AHR: variants seen among roughly 807,000 people sequenced by gnomAD.
AHR encodes the protein AH-receptor.
A neutral mutation model predicts 86.8 loss-of-function variants in AHR; 40 were observed. That is an observed-to-expected ratio of 0.46 (90% CI 0.36 to 0.60). The LOEUF (loss-of-function observed/expected upper bound fraction) is 0.60. Ranked by LOEUF, AHR falls within the 20% of genes least tolerant of loss-of-function variation. AHR has a pLI of 0.00. For synonymous variants in AHR, 398 were observed against 354.9 expected, an observed-to-expected ratio of 1.12 and a Z score of -1.37; for missense variants, 1,001 against 1,011.6, an observed-to-expected ratio of 0.99 and a Z score of 0.14.
At chr7:17,332,035 A>G (rs1383224068) in intron 6 of AHR, among the ~76,000 whole-genome samples, 2 of 151,930 alleles carry the variant, frequency 1.3e-5, no homozygotes, top group African/African-American at 4.8e-5. Flanking sequence ...CTGCATAATG[A>G]TGCTTTGGTC....
At position 17,339,891 on chromosome 7, in the gene AHR, C is replaced by T. The variant is rs1782400291; in HGVS notation, c.2066C>T (p.Ser689Phe). 1.2e-6 allele frequency: 2 copies of T among 1,614,212 alleles called. No homozygotes were observed. The highest frequency in any genetic ancestry group is 2.2e-5 in the South Asian group (2 of 91,082). Residue 689 changes from serine to phenylalanine, a missense_variant, in exon 10 of 11, where the codon TCT becomes TTT. By Grantham distance (155) the Ser-to-Phe change is radical. Around this residue, in one of 2 missense-constraint regions of AHR, gnomAD observed 607 missense variants for 543.1 expected, o/e 1.12. Coordinates refer to ENST00000242057, the MANE Select transcript of AHR (RefSeq NM_001621.5). ...HGISQEFPYKSEMDSMPYTQN... is the reference protein window; with the variant it reads ...HGISQEFPYKFEMDSMPYTQN... ...ATCAGTCAAGAGTTCCCCTACAAAT[C>T]TGAAATGGATTCTATGCCTTATACA... is the stretch of plus-strand genomic sequence containing the variant.
chr7:17,325,527 T>G (rs1187305671), intron 3 of AHR, among the ~76,000 whole-genome samples: 1 of 152,232 alleles, frequency 6.6e-6, no homozygotes, highest in Non-Finnish European at 1.5e-5. Context: ...AATGTGTTAG[T>G]CATTAACTAT....
At chr7:17,325,863 G>A (rs1406111140) in intron 3 of AHR, among the ~76,000 whole-genome samples, 2 of 152,070 alleles carry the variant, frequency 1.3e-5, no homozygotes, top group African/African-American at 4.8e-5. Context: ...TTAATACCTG[G>A]GTGATGAAAT....
intron 1 of AHR, among the ~76,000 whole-genome samples, chr7:17,304,349 A>G (rs1781984760): frequency 6.6e-6 from 1 of 152,026 alleles, no homozygotes; most frequent in African/African-American, 2.4e-5. Context: ...TTGACTGTAT[A>G]TTGTTTACTG....
In AHR at chr7:17,322,535, A is replaced by T. The variant is rs754076368; in HGVS notation, c.288A>T (p.Gly96=). 1 of 1,612,788 alleles carries T rather than the reference A, an allele frequency of 6.2e-7. No homozygotes were observed. The highest frequency in any genetic ancestry group is 1.1e-5 in the South Asian group (1 of 90,922). ...ALKSSPTERN[G]GQDNCRAANF... The stretch of plus-strand genomic sequence containing the variant: ...AATCCTCCCCTACTGAAAGAAACGG[A>T]GGCCAGGATAACTGTAGAGCAGCAA... The change falls in exon 3 of 11, where the codon GGA becomes GGT. Residue 96 remains glycine, a synonymous_variant. Coordinates refer to ENST00000242057, the MANE Select transcript of AHR (RefSeq NM_001621.5).
In AHR at chr7:17,309,925, T is replaced by G. The variant is rs1216930961; in HGVS notation, c.66-11T>G. On this transcript the variant is annotated splice_polypyrimidine_tract_variant and intron_variant, in intron 1 of 10. Coordinates refer to ENST00000242057, the MANE Select transcript of AHR (RefSeq NM_001621.5). ...TAAAGGATTTTTTATGGTATTTTGTTTGTTTTTCAGAGTAAAGCCAATCCC... is the reference window on the plus strand; with the variant it reads ...TAAAGGATTTTTTATGGTATTTTGTGTGTTTTTCAGAGTAAAGCCAATCCC... 5.9e-6 allele frequency: 9 copies of G among 1,525,430 alleles called. No homozygotes were observed. The highest frequency in any genetic ancestry group is 8.0e-6 in the Non-Finnish European group (9 of 1,124,022). 94.5% of individuals were successfully genotyped at this position (1,525,430 alleles called of 1,614,324 possible).
Position 17,330,807 on chromosome 7 carries a change from C to T in AHR, c.626C>T (p.Pro209Leu). ...TVVCYNPDQI[P>L]PENSPLMERC... The stretch of plus-strand genomic sequence containing the variant: ...GTCTGTTATAACCCAGACCAGATTC[C>T]TCCAGAAAACTCTCCTTTAATGGAG... The change falls in exon 6 of 11, where the codon CCT becomes CTT. Residue 209 changes from proline (P) to leucine (L), a missense_variant. Transcript: ENST00000242057. 1 of 1,612,424 alleles carries T rather than the reference C, an allele frequency of 6.2e-7. No individual in the cohort carries two copies. Among genetic ancestry groups the T allele is most frequent in the East Asian group, 2.2e-5 (1 of 44,840 alleles).
At chr7:17,310,536 CT>C (rs1231748729) in intron 2 of AHR, among the ~76,000 whole-genome samples, 260 of 141,036 alleles carry the variant, frequency 1.8e-3, no homozygotes, top group Admixed American at 2.0e-3. Context: ...TATTTCTAAT[CT>C]TTTTTTTTTT....
intron 10 of AHR, among the ~76,000 whole-genome samples, chr7:17,341,639 C>T (rs992537719): frequency 1.3e-5 from 2 of 152,010 alleles, no homozygotes; most frequent in African/African-American, 4.8e-5. Flanking sequence ...GTGTGAAGTA[C>T]ACATTGGATT....
Position 17,343,077 on chromosome 7 carries a change from T to C in AHR, c.*13T>C. ...TGGATTCCTGTAATTCCAAGCCCAA[T>C]TTTGACCCTGGTTTTTGGATTAAAT... On this transcript the variant is annotated 3_prime_UTR_variant, in exon 11 of 11. Coordinates refer to ENST00000242057, the MANE Select transcript of AHR (RefSeq NM_001621.5). 1 of 1,613,226 alleles carries C rather than the reference T, an allele frequency of 6.2e-7. No homozygotes were observed. Among genetic ancestry groups the C allele is most frequent in the Non-Finnish European group, 8.5e-7 (1 of 1,179,578 alleles).
intron 10 of AHR, among the ~76,000 whole-genome samples, chr7:17,340,982 A>G (rs1401216704): frequency 6.6e-6 from 1 of 152,198 alleles, no homozygotes; most frequent in African/African-American, 2.4e-5. Flanking sequence ...TCACTTAAAA[A>G]AAAAAAGTTA....
chr7:17,332,678 A>G (rs934606870), intron 6 of AHR, among the ~76,000 whole-genome samples: 6 of 152,084 alleles, frequency 3.9e-5, no homozygotes, highest in African/African-American at 1.4e-4. Context: ...AGAAGAGTCA[A>G]AAGTTAAAAA....
chr7:17,310,241 T>A, intron 2 of AHR, 118 bp downstream of exon 2: 1 of 997,038 alleles, frequency 1.0e-6, no homozygotes, highest in Non-Finnish European at 1.4e-6. Flanking sequence ...TTTATTGCTG[T>A]ATAGTAAAAT....
chr7:17,333,813 T>C (rs1782326432), intron 6 of AHR, 99 bp from the exon 7 acceptor site: 5 of 879,756 alleles, frequency 5.7e-6, no homozygotes, highest in Admixed American at 5.2e-5. Flanking sequence ...TATGGAATTA[T>C]CAAGAACCCT....
Position 17,299,045 on chromosome 7 carries a change from G to A in AHR, c.-220G>A, listed in dbSNP as rs1001253786. The stretch of plus-strand genomic sequence containing the variant: ...CCCTCGCCCACCCTCACTGCGCCAG[G>A]CCCAGGCAGCTCACCTGTACTGGCG... On this transcript the variant is annotated 5_prime_UTR_variant, in exon 1 of 11. Coordinates refer to ENST00000242057, the MANE Select transcript of AHR (RefSeq NM_001621.5). 1.0e-5 allele frequency: 5 copies of A among 500,384 alleles called. No individual in the cohort carries two copies. In the South Asian group the frequency reaches 1.1e-4, roughly 11 times the overall value. The allele number at this position is 500,384 out of a possible 1,614,324, so 31.0% of individuals were successfully genotyped here. A position where few individuals can be genotyped will look rare whatever the true frequency, so the allele number is the denominator to read the frequency against.
At chr7:17,333,276 C>G (rs1261420886) in intron 6 of AHR, among the ~76,000 whole-genome samples, 2 of 151,784 alleles carry the variant, frequency 1.3e-5, no homozygotes, top group East Asian at 3.9e-4. Context: ...CCTTGTGCTG[C>G]TATTATTTTG....
intron 5 of AHR, 80 bp from the exon 6 acceptor site, chr7:17,330,676 T>G: frequency 7.6e-7 from 1 of 1,311,748 alleles, no homozygotes; most frequent in Non-Finnish European, 1.0e-6. Flanking sequence ...GTTTAGAAAC[T>G]AATACAAATT....
chr7:17,335,653 A>G lies in AHR; in HGVS notation c.1027A>G (p.Thr343Ala). 6.4e-7 allele frequency: 1 copy of G among 1,564,978 alleles called. No homozygotes were observed. Among genetic ancestry groups the G allele is most frequent in the Non-Finnish European group, 8.7e-7 (1 of 1,153,256 alleles). The part of the protein sequence containing the change: ...CAESHIRMIK[T>A]GESGMIVFRL... ...TTTTAATTTTATTTTAGTGATTAAG[A>G]CTGGAGAAAGTGGCATGATAGTTTT... Residue 343 changes from threonine (T) to alanine (A), a missense_variant, in exon 9 of 11, where the codon ACT becomes GCT. Physicochemically the swap from Thr to Ala is moderately conservative, Grantham distance 58. This residue lies in a region of AHR where 394 missense variants were observed against 468.5 expected (regional missense o/e 0.84). Transcript: ENST00000242057.
intron 8 of AHR, 96 bp downstream of exon 8, chr7:17,335,092 G>A: frequency 1.2e-6 from 1 of 806,254 alleles, no homozygotes; most frequent in South Asian, 1.8e-5. Context: ...TTTAAGTAAA[G>A]TATATGGATA....
Sources: gnomAD v4.1 joint callset for allele counts (sites outside exome capture counted in the v4.1 genomes callset) on GRCh38, gnomAD v4.1.1 for gene constraint, gnomAD v4.1.1 regional missense constraint, MANE v1.5 for transcripts, NCBI Gene and HGNC (gene_info 2026-07-23, HGNC 2026-07-21) for gene names.